Variants in JAK1 observed in about 807,000 individuals in gnomAD.
JAK1 encodes the protein Janus kinase 1, also known as tyrosine-protein kinase JAK1.
A neutral mutation model predicts 136.6 loss-of-function variants in JAK1; 16 were observed. That is an observed-to-expected ratio of 0.12 (90% CI 0.08 to 0.18). The LOEUF is 0.18. Among genes scored for constraint, JAK1 ranks in the 10% least tolerant of loss-of-function variants. The pLI is 1.00. For missense variants in JAK1, 859 were observed against 1,450.1 expected (o/e 0.59, Z 6.62); for synonymous variants, 492 against 519.5 (o/e 0.95, Z 0.72).
Position 65,023,177 on chromosome 1 carries a change from A to T in JAK1, c.-78+21303T>A, listed in dbSNP as rs527684160. On this transcript the variant is annotated intron_variant, in intron 2 of 25. Transcript: ENST00000671954. ...AAGTACAGTGGAGTGATCATGGCTC[A>T]CTGCAACCTCAATCCCCTAGGCTTA... The T allele has an allele frequency of 2.6e-5, 4 of 152,268 alleles. No individual in the cohort carries two copies. The South Asian group carries it at 8.3e-4, about 32-fold the overall frequency. 9.4% of individuals were successfully genotyped at this position (152,268 alleles called of 1,614,324 possible).
chr1:65,031,347 T>G (rs1021442569), intron 2 of JAK1, among the ~76,000 whole-genome samples: 6 of 152,012 alleles, frequency 3.9e-5, no homozygotes, highest in Non-Finnish European at 8.8e-5. Flanking sequence ...ACAACCTGAA[T>G]GTGATCATTA....
chr1:65,021,196 TGAG>T lies in JAK1; in HGVS notation c.-78+23281_-78+23283del, dbSNP rs764889074. Among the ~76,000 whole-genome samples the T allele has an allele frequency of 1.2e-4, 18 of 152,250 alleles. 1 individual carries two copies. Among genetic ancestry groups the T allele is most frequent in the Admixed American group, 3.3e-4 (5 of 15,286 alleles). ...TGGGCAAAGAGTAGATCCGAAGTGA[TGAG>T]AAGTTGTTCACATGTCCGTCTGAAT... On this transcript the variant is annotated intron_variant, in intron 2 of 25. Transcript: ENST00000671954.
intron 1 of JAK1, among the ~76,000 whole-genome samples, chr1:64,944,493 CAAT>C (rs1394165738): frequency 6.6e-6 from 1 of 151,826 alleles, no homozygotes; most frequent in Admixed American, 6.6e-5. Flanking sequence ...TCTAAGCAAA[CAAT>C]AATAACATAC....
At chr1:64,890,527 T>C (rs573309380) in intron 1 of JAK1, among the ~76,000 whole-genome samples, 46 of 152,308 alleles carry the variant, frequency 3.0e-4, no homozygotes, top group Admixed American at 2.4e-3. Flanking sequence ...ATTAAAAATA[T>C]CTTTCAGTGA....
intron 1 of JAK1, among the ~76,000 whole-genome samples, chr1:64,934,432 T>C (rs998556819): frequency 1.3e-5 from 2 of 152,180 alleles, no homozygotes; most frequent in East Asian, 3.9e-4. Flanking sequence ...CTGGGAGACG[T>C]GGCATCACTG....
chr1:64,917,104 T>C (rs1285647099), intron 1 of JAK1, among the ~76,000 whole-genome samples: 1 of 151,960 alleles, frequency 6.6e-6, no homozygotes, highest in African/African-American at 2.4e-5. Flanking sequence ...TCCTGGGAAA[T>C]TTCATAACAT....
At chr1:65,052,875 A>AAG (rs564707894) in intron 1 of JAK1, among the ~76,000 whole-genome samples, 9,413 of 147,524 alleles carry the variant, frequency 0.064, 607 homozygotes, top group East Asian at 0.3. Flanking sequence ...AAAAAAAAAA[A>AAG]AAAAAATTAG....
rs141786521 is a variant in JAK1 at position 65,044,001 on chromosome 1, C to T, written c.-78+479G>A. ...CCTCCAAAAGTGCTGGGATTACAGA[C>T]GTGAGTCACCGCACCTGGCTGAATT... On this transcript the variant is annotated intron_variant, in intron 2 of 25. Transcript: ENST00000671954. Among the ~76,000 whole-genome samples the T allele has an allele frequency of 3.9e-3, 599 of 152,002 alleles. 2 individuals carry two copies. The highest frequency in any genetic ancestry group is 8.2e-3 in the African/African-American group (341 of 41,458).
intron 1 of JAK1, among the ~76,000 whole-genome samples, chr1:64,913,642 A>AGAAAGGAAG: frequency 1.0e-5 from 1 of 95,500 alleles, no homozygotes; most frequent in Non-Finnish European, 1.9e-5. Context: ...GGAGGAAGGG[A>AGAAAGGAAG]GGAAGGAAGG....
At position 65,027,057 on chromosome 1, in the gene JAK1, G is replaced by GT. The variant is rs1327160320; in HGVS notation, c.-78+17422dup. Reference sequence around the variant, plus strand: ...TATCTGGAAACTTTTGGGGTTTTTTGTTTTTTTTAGATGGAGTATCACTCT... The same window carrying GT: ...TATCTGGAAACTTTTGGGGTTTTTTGTTTTTTTTTAGATGGAGTATCACTCT... On this transcript the variant is annotated intron_variant, in intron 2 of 25. Transcript: ENST00000671954. Among the ~76,000 whole-genome samples the GT allele has an allele frequency of 2.6e-5, 4 of 151,384 alleles. No individual in the cohort carries two copies. The South Asian group carries it at 6.3e-4, about 24-fold the overall frequency.
At chr1:64,875,485 A>C (rs1295653269) in intron 4 of JAK1, among the ~76,000 whole-genome samples, 2 of 152,260 alleles carry the variant, frequency 1.3e-5, no homozygotes, top group Non-Finnish European at 2.9e-5. Context: ...AGTGCCTGGT[A>C]CCTAACAGCT....
rs778948523 is a variant in JAK1, at chr1:64,886,270, C to T, written c.-6G>A. 2.5e-6 allele frequency: 4 copies of T among 1,594,600 alleles called. No individual in the cohort carries two copies. In the Admixed American group the frequency reaches 5.3e-5, roughly 21 times the overall value. On this transcript the variant is annotated 5_prime_UTR_variant, in exon 2 of 25. Coordinates refer to ENST00000342505, the MANE Select transcript of JAK1 (RefSeq NM_002227.4). The stretch of plus-strand genomic sequence containing the variant: ...GCAAATCTACATACCTGCATTTATT[C>T]AGCTGTCCAGTGTTCTCCAAGAAGC...
chr1:64,926,755 C>T (rs1222623059), intron 1 of JAK1, among the ~76,000 whole-genome samples: 2 of 152,194 alleles, frequency 1.3e-5, no homozygotes, highest in East Asian at 1.9e-4. Flanking sequence ...CAGTCTGGAA[C>T]CAGAACACGT....
In JAK1 at chr1:64,883,279, C is replaced by T; in HGVS notation, c.203G>A (p.Cys68Tyr). 6.2e-7 allele frequency: 1 copy of T among 1,612,242 alleles called. No individual in the cohort carries two copies. Among genetic ancestry groups the T allele is most frequent in the Non-Finnish European group, 8.5e-7 (1 of 1,178,884 alleles). Residue 68 changes from cysteine to tyrosine, a missense_variant and splice_region_variant, in exon 3 of 25, where the codon TGC (cysteine) becomes TAC (tyrosine). This residue lies in a region of JAK1 where 353 missense variants were observed against 494.0 expected (regional missense o/e 0.71). Transcript: ENST00000342505. Reference protein sequence around the residue: ...EELCIRAAQACRISPLCHNLF... With the variant: ...EELCIRAAQAYRISPLCHNLF... ...CCTGGGCAGCTGCCAGTACTCACGG[C>T]ATGCCTGTGCAGCCCTGATGCACAG...
At chr1:64,843,805 C>G (rs184315965) in intron 17 of JAK1, among the ~76,000 whole-genome samples, 2 of 152,280 alleles carry the variant, frequency 1.3e-5, no homozygotes, top group East Asian at 3.9e-4. Flanking sequence ...GTACTGCATG[C>G]CTGTCACTCT....
chr1:64,939,975 ATGC>A (rs1645858812), intron 1 of JAK1, among the ~76,000 whole-genome samples: 1 of 152,174 alleles, frequency 6.6e-6, no homozygotes. Flanking sequence ...CCCAAAGTAA[ATGC>A]TGCTGAATTT....
chr1:65,029,958 TA>T (rs35368364), intron 2 of JAK1, among the ~76,000 whole-genome samples: 287 of 145,408 alleles, frequency 2.0e-3, no homozygotes, highest in African/African-American at 2.8e-3. Context: ...GTTAAAAAGT[TA>T]AAAAAAAAAA....
intron 7 of JAK1, 129 bp downstream of exon 7, chr1:64,866,737 C>T (rs1656726955): frequency 7.6e-6 from 5 of 654,292 alleles, no homozygotes; most frequent in South Asian, 2.0e-5. Context: ...ATGAATGATA[C>T]ATGGTCTCCT....
chr1:64,980,427 T>G (rs1372991727), intron 2 of JAK1, among the ~76,000 whole-genome samples: 1 of 152,136 alleles, frequency 6.6e-6, no homozygotes, highest in African/African-American at 2.4e-5. Flanking sequence ...CCATTTTCCC[T>G]CTGCCCTCCC....
Sources: gnomAD v4.1 joint callset for allele counts (sites outside exome capture counted in the v4.1 genomes callset) on GRCh38, gnomAD v4.1.1 for gene constraint, gnomAD v4.1.1 regional missense constraint, MANE v1.5 for transcripts, NCBI Gene and HGNC (gene_info 2026-07-23, HGNC 2026-07-21) for gene names.